Variants in TTC27 observed in about 807,000 individuals in gnomAD.
The protein encoded by TTC27 is tetratricopeptide repeat domain 27.
Under a neutral mutation model 115.9 loss-of-function variants are expected in TTC27, and 79 were observed. The ratio of observed to expected loss-of-function variants is 0.68; its 90% CI spans 0.57 to 0.82. The LOEUF is 0.82. Among genes scored for constraint, TTC27 ranks in the 40% least tolerant of loss-of-function variants. The probability of loss-of-function intolerance (pLI) is 0.00; values close to 1 mark genes in which losing one functional copy is unlikely to be tolerated. For missense variants in TTC27, 1,054 were observed against 993.1 expected (o/e 1.06, Z -0.82); for synonymous variants, 401 against 356.0 (o/e 1.13, Z -1.42).
At chr2:32,807,885 G>T (rs1671184601) in intron 16 of TTC27, among the ~76,000 whole-genome samples, 1 of 148,990 alleles carries the variant, frequency 6.7e-6, no homozygotes, top group Non-Finnish European at 1.5e-5. Context: ...TACCTTTCTG[G>T]CCACTCCTTT....
chr2:32,630,703 A>C lies in TTC27; in HGVS notation c.266+3A>C. 1.3e-6 allele frequency: 2 copies of C among 1,596,704 alleles called. No individual in the cohort carries two copies. The highest frequency in any genetic ancestry group is 1.7e-6 in the Non-Finnish European group (2 of 1,173,684). ...ACAGATTTGGACACAACGGAAAGGT[A>C]GAATTTTATTTGAAATTTTCATAGA... On this transcript the variant is annotated splice_donor_region_variant and intron_variant, in intron 2 of 19. Coordinates refer to ENST00000317907, the MANE Select transcript of TTC27 (RefSeq NM_017735.5).
chr2:32,688,911 C>A (rs897483535), intron 9 of TTC27, among the ~76,000 whole-genome samples: 5 of 152,080 alleles, frequency 3.3e-5, no homozygotes, highest in African/African-American at 1.2e-4. Context: ...GAGTTGTACA[C>A]AAATACTTGT....
chr2:32,640,789 C>A (rs1277016098), intron 4 of TTC27, among the ~76,000 whole-genome samples: 1 of 152,020 alleles, frequency 6.6e-6, no homozygotes, highest in Non-Finnish European at 1.5e-5. Flanking sequence ...TCGAGACCAG[C>A]CTGGCTAACA....
At chr2:32,716,904 A>G (rs1667770805) in intron 10 of TTC27, among the ~76,000 whole-genome samples, 1 of 151,920 alleles carries the variant, frequency 6.6e-6, no homozygotes, top group African/African-American at 2.4e-5. Context: ...ATGTTGCCCA[A>G]GCTGGCCTCA....
At position 32,650,119 on chromosome 2, in the gene TTC27, GT is replaced by G; in HGVS notation, c.538-6del. The G allele has an allele frequency of 1.9e-6, 3 of 1,608,910 alleles. No individual in the cohort carries two copies. Among genetic ancestry groups the G allele is most frequent in the Non-Finnish European group, 1.7e-6 (2 of 1,176,530 alleles). On this transcript the variant is annotated splice_polypyrimidine_tract_variant and intron_variant, in intron 4 of 19. Transcript: ENST00000317907. ...ATCCTTTTATTTCAGCTTACGTGGT[GT>G]TTTTTCCTAGAGCTTGCCATGGTGG...
intron 5 of TTC27, among the ~76,000 whole-genome samples, chr2:32,662,402 C>G (rs939197730): frequency 3.3e-5 from 5 of 151,948 alleles, no homozygotes; most frequent in Admixed American, 1.3e-4. Flanking sequence ...TGGTCCTGGG[C>G]TTTTTTTGGT....
At chr2:32,798,737 T>TAAG (rs1558349954) in intron 16 of TTC27, among the ~76,000 whole-genome samples, 2 of 149,662 alleles carry the variant, frequency 1.3e-5, no homozygotes, top group Non-Finnish European at 3.0e-5. Context: ...ATAATAATAA[T>TAAG]AAGTGTTGAC....
At chr2:32,693,336 ATCAGCG>A (rs1666879606) in intron 9 of TTC27, among the ~76,000 whole-genome samples, 1 of 152,208 alleles carries the variant, frequency 6.6e-6, no homozygotes, top group Non-Finnish European at 1.5e-5. Flanking sequence ...GACCAGCAGC[ATCAGCG>A]TCACCTGGGA....
intron 10 of TTC27, among the ~76,000 whole-genome samples, chr2:32,730,990 G>A (rs941140463): frequency 2.6e-5 from 4 of 152,190 alleles, no homozygotes; most frequent in African/African-American, 9.7e-5. Flanking sequence ...TATGTAGATG[G>A]TTGTCATGCA....
At chr2:32,633,426 T>A (rs185851873) in intron 2 of TTC27, among the ~76,000 whole-genome samples, 29 of 152,278 alleles carry the variant, frequency 1.9e-4, no homozygotes, top group Admixed American at 1.2e-3. Context: ...CTTTTTTTTT[T>A]AAGAGAGACA....
At chr2:32,663,191 A>T (rs894516832) in intron 5 of TTC27, among the ~76,000 whole-genome samples, 1 of 152,084 alleles carries the variant, frequency 6.6e-6, no homozygotes. Context: ...GAATGGTTCT[A>T]TCTTGCTGGT....
chr2:32,752,068 G>A (rs1233231817), intron 12 of TTC27, among the ~76,000 whole-genome samples: 2 of 152,154 alleles, frequency 1.3e-5, no homozygotes, highest in East Asian at 1.9e-4. Context: ...CATGCTGATT[G>A]CAAATAACTA....
At chr2:32,788,276 T>C (rs550678581) in intron 16 of TTC27, among the ~76,000 whole-genome samples, 2 of 152,300 alleles carry the variant, frequency 1.3e-5, no homozygotes, top group African/African-American at 2.4e-5. Context: ...ACACTCCTCA[T>C]TTAGACATCG....
At chr2:32,666,593 C>G (rs943887842) in intron 6 of TTC27, 42 bp from the exon 7 acceptor site, 2 of 1,605,478 alleles carry the variant, frequency 1.2e-6, no homozygotes, top group South Asian at 1.1e-5. Flanking sequence ...TACAGTAGAT[C>G]TCATGGGTAA....
At chr2:32,673,240 C>G (rs1666076751) in intron 8 of TTC27, among the ~76,000 whole-genome samples, 1 of 112,176 alleles carries the variant, frequency 8.9e-6, no homozygotes, top group Non-Finnish European at 1.8e-5. Context: ...TTTTTTTTTC[C>G]TAAGATGGAG....
intron 6 of TTC27, among the ~76,000 whole-genome samples, chr2:32,666,416 G>C (rs1807918): frequency 0.74 from 112,060 of 150,644 alleles, 41,751 homozygotes; most frequent in African/African-American, 0.81. Flanking sequence ...TATGTGGACT[G>C]TAGTGGCAGA....
intron 13 of TTC27, among the ~76,000 whole-genome samples, chr2:32,762,454 G>A (rs1274155426): frequency 3.3e-5 from 5 of 152,080 alleles, no homozygotes; most frequent in Admixed American, 3.3e-4. Flanking sequence ...AAACCGTTGG[G>A]TTTTTATTTG....
At chr2:32,721,140 C>T (rs1047798192) in intron 10 of TTC27, among the ~76,000 whole-genome samples, 12 of 152,244 alleles carry the variant, frequency 7.9e-5, no homozygotes, top group African/African-American at 2.6e-4. Flanking sequence ...TGCTTATTTT[C>T]ATGCTTATTT....
At chr2:32,702,010 C>CAAAAAA (rs752550794) in intron 9 of TTC27, among the ~76,000 whole-genome samples, 1,131 of 47,772 alleles carry the variant, frequency 0.024, 11 homozygotes, top group Middle Eastern at 0.069. Context: ...GATCCTGTCT[C>CAAAAAA]AAAAAAAAAA....
Sources: allele counts gnomAD v4.1 joint callset (sites outside exome capture counted in the v4.1 genomes callset), GRCh38; gene constraint gnomAD v4.1.1; transcripts MANE v1.5; gene names NCBI Gene and HGNC (gene_info 2026-07-23, HGNC 2026-07-21).